The following DSG4 variants were observed in gnomAD, a reference collection of about 807,000 sequenced individuals.
The protein encoded by DSG4 is desmoglein 4.
In DSG4, 87 loss-of-function variants were observed where a neutral mutation model predicts 93.1. The observed-to-expected ratio is 0.93, with a 90% CI of 0.79 to 1.12. The LOEUF (loss-of-function observed/expected upper bound fraction) is 1.12, where lower values mean the gene tolerates loss of function less well. Among genes scored for constraint, DSG4 ranks in the 50% most tolerant of loss-of-function variants. The pLI is 0.00. For missense variants in DSG4, 1,373 were observed against 1,285.7 expected (o/e 1.07, Z -1.04); for synonymous variants, 432 against 452.9 (o/e 0.95, Z 0.59).
At position 31,413,000 on chromosome 18, in the gene DSG4, T is replaced by C. The variant is rs749368903; in HGVS notation, c.2528T>C (p.Leu843Pro). The change falls in exon 16 of 16, where the codon CTT becomes CCT. Residue 843 changes from leucine to proline, a missense_variant. Coordinates refer to ENST00000308128, the MANE Select transcript of DSG4 (RefSeq NM_177986.5). ...METLDPKFRTLAEICLNTEIE... is the reference protein window; with the variant it reads ...METLDPKFRTPAEICLNTEIE... The stretch of plus-strand genomic sequence containing the variant: ...ACTTTAGATCCAAAATTTAGGACTC[T>C]TGCTGAGATCTGCTTAAACACAGAA... 2 of 1,614,202 alleles carry C rather than the reference T, an allele frequency of 1.2e-6. No homozygotes were observed. The highest frequency in any genetic ancestry group is 1.7e-5 in the Admixed American group (1 of 60,022).
In DSG4 at chr18:31,409,304, C is replaced by T. The variant is rs528449737; in HGVS notation, c.1934-148C>T. 3.2e-5 allele frequency: 39 copies of T among 1,202,338 alleles called. No individual in the cohort carries two copies. The East Asian group carries it at 9.4e-4, about 29-fold the overall frequency. The allele number at this position is 1,202,338 out of a possible 1,614,324, so 74.5% of individuals were successfully genotyped here. A position where few individuals can be genotyped will look rare whatever the true frequency, so the allele number is the denominator to read the frequency against. ...AAACTTGGATATGTATACTCAATCCCCTAAAGGAAAAAAATGAGATTTTCT... is the reference window on the plus strand; with the variant it reads ...AAACTTGGATATGTATACTCAATCCTCTAAAGGAAAAAAATGAGATTTTCT... On this transcript the variant is annotated intron_variant, in intron 12 of 15. Transcript: ENST00000308128.
intron 8 of DSG4, among the ~76,000 whole-genome samples, chr18:31,396,334 G>A (rs8092897): frequency 0.019 from 2,884 of 148,684 alleles, 97 homozygotes; most frequent in African/African-American, 0.068. Context: ...CACAACTCTC[G>A]GAAGAAAATA....
At chr18:31,378,764 G>A (rs1396606629) in intron 1 of DSG4, among the ~76,000 whole-genome samples, 1 of 152,146 alleles carries the variant, frequency 6.6e-6, no homozygotes, top group Non-Finnish European at 1.5e-5. Flanking sequence ...TTGGGAGGTA[G>A]AGACTTCTGG....
intron 8 of DSG4, among the ~76,000 whole-genome samples, chr18:31,396,645 C>T (rs1340735225): frequency 6.6e-6 from 1 of 151,944 alleles, no homozygotes; most frequent in East Asian, 1.9e-4. Context: ...TGTGAGCCAC[C>T]GCACCCAGCC....
rs1325804776 is a variant in DSG4, at chr18:31,386,689, TG to T, written c.87del (p.Lys30ArgfsTer54). Reference protein sequence around the residue: ...MEVNSEFIVEVKEFDIENGTT... With the variant: ...MEVNSEFIVEXKEFDIENGTT... The stretch of plus-strand genomic sequence containing the variant: ...ACACCTGAACCATTTTTGCTTAAGG[TG>T]AAGGAATTTGACATTGAAAATGGCA... On this transcript the variant is annotated frameshift_variant and splice_region_variant, in exon 3 of 16. Transcript: ENST00000308128. LOFTEE classifies it high-confidence loss of function. The T allele has an allele frequency of 9.3e-6, 15 of 1,612,982 alleles. No individual in the cohort carries two copies. In the South Asian group the frequency reaches 1.6e-4, roughly 18 times the overall value.
chr18:31,406,439 G>A, intron 12 of DSG4, 66 bp downstream of exon 12: 5 of 1,595,418 alleles, frequency 3.1e-6, no homozygotes, highest in Non-Finnish European at 4.3e-6. Flanking sequence ...GAGGCTCGCT[G>A]GGATGGTTAG....
At chr18:31,411,082 C>A in intron 14 of DSG4, 149 bp from the exon 15 acceptor site, 2 of 1,555,304 alleles carry the variant, frequency 1.3e-6, no homozygotes, top group South Asian at 1.2e-5. Flanking sequence ...GGAGATGTAT[C>A]GGTGTAACTT....
chr18:31,380,408 C>T (rs1254954501), intron 1 of DSG4, among the ~76,000 whole-genome samples: 1 of 152,178 alleles, frequency 6.6e-6, no homozygotes, highest in Non-Finnish European at 1.5e-5. Flanking sequence ...GTTTCCTTCC[C>T]TTCCCCAAGT....
chr18:31,393,541 A>C (rs1457548206), intron 8 of DSG4, among the ~76,000 whole-genome samples: 1 of 152,174 alleles, frequency 6.6e-6, no homozygotes, highest in Non-Finnish European at 1.5e-5. Context: ...GTAAACAACC[A>C]GATCTCGCAA....
rs200271008 is a variant in DSG4 at position 31,410,636 on chromosome 18, C to G, written c.2138-595C>G. Among the ~76,000 whole-genome samples the G allele has an allele frequency of 8.5e-5, 13 of 152,156 alleles. No individual in the cohort carries two copies. The East Asian group carries it at 2.5e-3, about 29-fold the overall frequency. On this transcript the variant is annotated intron_variant, in intron 14 of 15. Coordinates refer to ENST00000308128, the MANE Select transcript of DSG4 (RefSeq NM_177986.5). Reference sequence around the variant, plus strand: ...AGTGTCGTAAACTCTCCTATCTTACCAGCCCCACGCATATCTAACAATACT... The same window carrying G: ...AGTGTCGTAAACTCTCCTATCTTACGAGCCCCACGCATATCTAACAATACT...
At chr18:31,396,663 C>T (rs2144190089) in intron 8 of DSG4, among the ~76,000 whole-genome samples, 1 of 152,156 alleles carries the variant, frequency 6.6e-6, no homozygotes, top group Non-Finnish European at 1.5e-5. Flanking sequence ...GCCAGTAATT[C>T]CATTTTTAGA....
At position 31,413,220 on chromosome 18, in the gene DSG4, A is replaced by T; in HGVS notation, c.2748A>T (p.Pro916=). 1 of 1,613,840 alleles carries T rather than the reference A, an allele frequency of 6.2e-7. No homozygotes were observed. Among genetic ancestry groups the T allele is most frequent in the Non-Finnish European group, 8.5e-7 (1 of 1,179,958 alleles). Reference sequence around the variant, plus strand: ...CTGAGACTTACGGTAATGCTGATCCATGTGTGCAACCCACTACAATTATTT... The same window carrying T: ...CTGAGACTTACGGTAATGCTGATCCTTGTGTGCAACCCACTACAATTATTT... The part of the protein sequence containing the change: ...IVTETYGNAD[P]CVQPTTIIFD... The change falls in exon 16 of 16, where the codon CCA becomes CCT. Residue 916 remains proline, a synonymous_variant. Coordinates refer to ENST00000308128, the MANE Select transcript of DSG4 (RefSeq NM_177986.5).
Position 31,376,886 on chromosome 18 carries a change from T to G in DSG4, c.-26T>G, listed in dbSNP as rs1432775442. On this transcript the variant is annotated 5_prime_UTR_variant, in exon 1 of 16. Coordinates refer to ENST00000308128, the MANE Select transcript of DSG4 (RefSeq NM_177986.5). ...AGGGCTCAAATTGAATCTCACAGGA[T>G]TTGCGTGCAAGAGAAACCCAAAGGA... is the stretch of plus-strand genomic sequence containing the variant. The G allele has an allele frequency of 6.2e-7, 1 of 1,613,360 alleles. No individual in the cohort carries two copies. Among genetic ancestry groups the G allele is most frequent in the East Asian group, 2.2e-5 (1 of 44,854 alleles).
At chr18:31,397,286 C>G (rs2072315905) in intron 8 of DSG4, among the ~76,000 whole-genome samples, 1 of 152,100 alleles carries the variant, frequency 6.6e-6, no homozygotes, top group Non-Finnish European at 1.5e-5. Flanking sequence ...GCAGGTCAAA[C>G]CCCCAGCCAC....
rs759040850 is a variant in DSG4 at position 31,403,571 on chromosome 18, A to C, written c.1573A>C (p.Thr525Pro). 6.2e-7 allele frequency: 1 copy of C among 1,614,066 alleles called. No individual in the cohort carries two copies. Among genetic ancestry groups the C allele is most frequent in the Admixed American group, 1.7e-5 (1 of 60,018 alleles). ...VNEHSYGSPF[T>P]FCVVDEPPGI... ...TGAACATTCTTATGGGTCTCCGTTTACTTTCTGTGTTGTTGATGAGCCACC... is the reference window on the plus strand; with the variant it reads ...TGAACATTCTTATGGGTCTCCGTTTCCTTTCTGTGTTGTTGATGAGCCACC... The change falls in exon 11 of 16, where the codon ACT becomes CCT. Residue 525 changes from threonine (T) to proline (P), a missense_variant. Physicochemically the swap from Thr to Pro is conservative, Grantham distance 38. Coordinates refer to ENST00000308128, the MANE Select transcript of DSG4 (RefSeq NM_177986.5).
intron 5 of DSG4, 101 bp downstream of exon 5, chr18:31,389,119 A>C: frequency 1.5e-6 from 2 of 1,364,310 alleles, no homozygotes; most frequent in Non-Finnish European, 2.1e-6. Context: ...GGACAGAAAA[A>C]GCCACACTTG....
At chr18:31,382,673 G>T (rs774895005) in intron 1 of DSG4, among the ~76,000 whole-genome samples, 1 of 152,060 alleles carries the variant, frequency 6.6e-6, no homozygotes, top group Non-Finnish European at 1.5e-5. Context: ...AGTTCCTTCC[G>T]GGAGACCTGT....
Position 31,403,444 on chromosome 18 carries a change from C to T in DSG4, c.1446C>T (p.Thr482=). The T allele has an allele frequency of 6.2e-7, 1 of 1,613,500 alleles. No homozygotes were observed. The highest frequency in any genetic ancestry group is 8.5e-7 in the Non-Finnish European group (1 of 1,179,726). The change falls in exon 11 of 16, where the codon ACC becomes ACT. Residue 482 remains threonine (T), a synonymous_variant. Coordinates refer to ENST00000308128, the MANE Select transcript of DSG4 (RefSeq NM_177986.5). ...GCTCTGGAAAAACAGCTACAGGAAC[C>T]ATATGTATTGAGGTTCCTGATATCA... The part of the protein sequence containing the change: ...DDGSGKTATG[T]ICIEVPDIND...
intron 1 of DSG4, among the ~76,000 whole-genome samples, chr18:31,384,817 G>A (rs565009419): frequency 1.3e-5 from 2 of 152,198 alleles, no homozygotes; most frequent in South Asian, 2.1e-4. Context: ...ATTCTGCAGA[G>A]CCCTTTCAAA....
Sources: gnomAD v4.1 joint callset for allele counts (sites outside exome capture counted in the v4.1 genomes callset) on GRCh38, gnomAD v4.1.1 for gene constraint, MANE v1.5 for transcripts, NCBI Gene and HGNC (gene_info 2026-07-23, HGNC 2026-07-21) for gene names.